PTPRN2: variants seen among roughly 807,000 people sequenced by gnomAD.
PTPRN2 encodes the protein receptor-type tyrosine-protein phosphatase N2.
Under a neutral mutation model 118.8 loss-of-function variants are expected in PTPRN2, and 74 were observed. The observed-to-expected ratio is 0.62, with a 90% CI of 0.52 to 0.76. The LOEUF (loss-of-function observed/expected upper bound fraction) is 0.76, where lower values mean the gene tolerates loss of function less well. Ranked by LOEUF, PTPRN2 falls within the 30% of genes least tolerant of loss-of-function variation. The probability of loss-of-function intolerance (pLI) is 0.00; values close to 1 mark genes in which losing one functional copy is unlikely to be tolerated. For synonymous variants in PTPRN2, 641 were observed against 608.0 expected, an observed-to-expected ratio of 1.05 and a Z score of -0.80; for missense variants, 1,481 against 1,394.4, an observed-to-expected ratio of 1.06 and a Z score of -0.99.
At chr7:158,281,264 G>A (rs1335772094) in intron 3 of PTPRN2, among the ~76,000 whole-genome samples, 1 of 152,204 alleles carries the variant, frequency 6.6e-6, no homozygotes, top group Non-Finnish European at 1.5e-5. Context: ...ACTCCAGTCT[G>A]GGTGACAGAG....
At chr7:158,522,411 T>TA (rs1824257511) in intron 1 of PTPRN2, among the ~76,000 whole-genome samples, 1 of 149,444 alleles carries the variant, frequency 6.7e-6, no homozygotes, top group Non-Finnish European at 1.5e-5. Flanking sequence ...ACTGTCCAGG[T>TA]GCTGGCTCAG....
At chr7:158,258,784 C>T (rs1441970196) in intron 3 of PTPRN2, among the ~76,000 whole-genome samples, 1 of 152,144 alleles carries the variant, frequency 6.6e-6, no homozygotes, top group Non-Finnish European at 1.5e-5. Context: ...ATTTGTTGTT[C>T]ATATTGTTAA....
intron 3 of PTPRN2, among the ~76,000 whole-genome samples, chr7:158,209,336 C>G (rs1827408197): frequency 6.6e-6 from 1 of 151,504 alleles, no homozygotes; most frequent in South Asian, 2.1e-4. Context: ...CAAATATAGA[C>G]TAAAAAGAAA....
At chr7:157,847,179 C>G (rs1808894204) in intron 12 of PTPRN2, among the ~76,000 whole-genome samples, 1 of 137,860 alleles carries the variant, frequency 7.3e-6, no homozygotes, top group Non-Finnish European at 1.6e-5. Context: ...AGCCCTCTCT[C>G]ACTCCATCAC....
At chr7:158,577,680 C>T (rs1828413306) in intron 1 of PTPRN2, among the ~76,000 whole-genome samples, 1 of 152,224 alleles carries the variant, frequency 6.6e-6, no homozygotes, top group African/African-American at 2.4e-5. Flanking sequence ...CTGTTGTAAC[C>T]TGATAAAACA....
intron 14 of PTPRN2, among the ~76,000 whole-genome samples, chr7:157,639,001 T>TA (rs1244568759): frequency 2.0e-5 from 3 of 152,096 alleles, no homozygotes; most frequent in African/African-American, 7.2e-5. Flanking sequence ...TCTTTGACTC[T>TA]AGACAGCCAT....
rs1269348000 is a variant in PTPRN2 at position 157,622,431 on chromosome 7, C to G, written c.2197-922G>C. ...GCCCTTCTCACCTTCTGCCCACCCC[C>G]TGACATCCCCTTCGATTGATCCGAG... On this transcript the variant is annotated intron_variant, in intron 14 of 22. Transcript: ENST00000389418. The surrounding 1 kb of genome is among the most constrained non-coding windows in gnomAD (Gnocchi z 5.3). Among the ~76,000 whole-genome samples the G allele has an allele frequency of 6.6e-6, 1 of 152,194 alleles. No individual in the cohort carries two copies. Among genetic ancestry groups the G allele is most frequent in the African/African-American group, 2.4e-5 (1 of 41,450 alleles).
intron 2 of PTPRN2, among the ~76,000 whole-genome samples, chr7:158,441,061 GGGTGGTAGTGATGGTGGTGCT>G (rs1423020852): frequency 3.8e-5 from 2 of 51,974 alleles, no homozygotes; most frequent in Admixed American, 2.4e-4. Context: ...GTAGTGATGG[GGGTGGTAGTGATGGTGGTGCT>G]GGTGGTAGTG....
Position 157,815,095 on chromosome 7 carries a change from C to T in PTPRN2, c.1788+83578G>A, listed in dbSNP as rs560368065. On this transcript the variant is annotated intron_variant, in intron 12 of 22. Transcript: ENST00000389418. ...GGAGCAGCGCGGGAGGCAGTGGAGA[C>T]GTGGAAGCAGGCTCCGGCTGCTGGG... Among the ~76,000 whole-genome samples the T allele has an allele frequency of 5.7e-4, 87 of 152,362 alleles. 1 individual carries two copies. The highest frequency in any genetic ancestry group is 2.0e-3 in the African/African-American group (83 of 41,586).
chr7:158,210,560 T>C (rs1827520447), intron 3 of PTPRN2, among the ~76,000 whole-genome samples: 1 of 151,608 alleles, frequency 6.6e-6, no homozygotes, highest in Non-Finnish European at 1.5e-5. Flanking sequence ...AAGATAAAAT[T>C]GACAAACCAT....
intron 11 of PTPRN2, among the ~76,000 whole-genome samples, chr7:157,989,326 G>A (rs926969576): frequency 2.0e-5 from 3 of 152,206 alleles, no homozygotes; most frequent in Non-Finnish European, 4.4e-5. Context: ...GGCTGAGGTG[G>A]GAGGATCGCC....
intron 2 of PTPRN2, among the ~76,000 whole-genome samples, chr7:158,385,346 G>C (rs1164219980): frequency 6.6e-6 from 1 of 152,158 alleles, no homozygotes; most frequent in East Asian, 1.9e-4. Context: ...GATGTACTCT[G>C]ATGACATTTC....
At chr7:157,694,233 G>A (rs1797661929) in intron 12 of PTPRN2, among the ~76,000 whole-genome samples, 1 of 152,184 alleles carries the variant, frequency 6.6e-6, no homozygotes, top group African/African-American at 2.4e-5. Flanking sequence ...TGGGTGGGAG[G>A]TGGCACCAAT....
intron 9 of PTPRN2, among the ~76,000 whole-genome samples, chr7:158,113,810 C>T (rs1816493943): frequency 6.6e-6 from 1 of 152,214 alleles, no homozygotes; most frequent in Admixed American, 6.5e-5. Flanking sequence ...AGGGACACAG[C>T]CTACCATCCT....
At chr7:157,738,623 C>T (rs1377118295) in intron 12 of PTPRN2, among the ~76,000 whole-genome samples, 3 of 152,166 alleles carry the variant, frequency 2.0e-5, no homozygotes, top group African/African-American at 7.2e-5. Flanking sequence ...TAAAATCACT[C>T]GATATTTGAC....
intron 12 of PTPRN2, among the ~76,000 whole-genome samples, chr7:157,841,933 T>A (rs535794848): frequency 3.6e-4 from 54 of 152,060 alleles, no homozygotes; most frequent in African/African-American, 1.3e-3. Flanking sequence ...TCCTCCCTCC[T>A]CTCCCTTTCT....
At chr7:157,857,085 C>T (rs907654070) in intron 12 of PTPRN2, among the ~76,000 whole-genome samples, 7 of 145,302 alleles carry the variant, frequency 4.8e-5, no homozygotes, top group Non-Finnish European at 9.0e-5. Flanking sequence ...GGCCACAGCA[C>T]GAGGGCATGG....
intron 11 of PTPRN2, among the ~76,000 whole-genome samples, chr7:157,940,715 A>G (rs1740151862): frequency 8.7e-6 from 1 of 114,372 alleles, no homozygotes; most frequent in South Asian, 3.1e-4. Flanking sequence ...CCCCCGTGAC[A>G]CTGCAAATCT....
intron 11 of PTPRN2, among the ~76,000 whole-genome samples, chr7:157,952,096 G>A (rs995466708): frequency 7.2e-5 from 11 of 152,176 alleles, no homozygotes; most frequent in East Asian, 3.9e-4. Context: ...CACACCCTGC[G>A]GGGAGGCCAG....
Sources: gnomAD v4.1 joint callset for allele counts (sites outside exome capture counted in the v4.1 genomes callset) on GRCh38, gnomAD v4.1.1 for gene constraint, Gnocchi (gnomAD v3.1) non-coding constraint, MANE v1.5 for transcripts, NCBI Gene and HGNC (gene_info 2026-07-23, HGNC 2026-07-21) for gene names.